The following SSBP2 variants were observed in gnomAD, a reference collection of about 807,000 sequenced individuals.
SSBP2 encodes single stranded DNA binding protein 2.
Under a neutral mutation model 61.8 loss-of-function variants are expected in SSBP2, and 17 were observed. The ratio of observed to expected loss-of-function variants is 0.28; its 90% CI spans 0.19 to 0.41. The LOEUF (loss-of-function observed/expected upper bound fraction) is 0.41, where lower values mean the gene tolerates loss of function less well. Ranked by LOEUF, SSBP2 falls within the 10% of genes least tolerant of loss-of-function variation. SSBP2 has a pLI of 1.00. For missense variants in SSBP2, 310 were observed against 458.7 expected (o/e 0.68, Z 2.96); for synonymous variants, 139 against 141.3 (o/e 0.98, Z 0.12).
intron 1 of SSBP2, among the ~76,000 whole-genome samples, chr5:81,685,835 T>C (rs991158203): frequency 6.6e-6 from 1 of 152,196 alleles, no homozygotes; most frequent in Non-Finnish European, 1.5e-5. Context: ...ATCTGCCTAA[T>C]CTAAACCTAG....
At chr5:81,462,480 G>C (rs926029365) in intron 9 of SSBP2, among the ~76,000 whole-genome samples, 1 of 152,152 alleles carries the variant, frequency 6.6e-6, no homozygotes, top group African/African-American at 2.4e-5. Context: ...TCCCAATTCA[G>C]CTTGAGGTAT....
chr5:81,681,577 C>T (rs1319734816), intron 1 of SSBP2, among the ~76,000 whole-genome samples: 13 of 149,350 alleles, frequency 8.7e-5, no homozygotes, highest in Admixed American at 4.7e-4. Flanking sequence ...GTACCAAATG[C>T]AGTGCATAGA....
intron 4 of SSBP2, among the ~76,000 whole-genome samples, chr5:81,603,029 C>T (rs1744528174): frequency 6.6e-6 from 1 of 152,128 alleles, no homozygotes; most frequent in South Asian, 2.1e-4. Flanking sequence ...ACAGCAACAC[C>T]CCACTTCCAA....
At chr5:81,531,870 G>A (rs1308868204) in intron 4 of SSBP2, among the ~76,000 whole-genome samples, 1 of 152,032 alleles carries the variant, frequency 6.6e-6, no homozygotes, top group Non-Finnish European at 1.5e-5. Flanking sequence ...CACCTCTTCT[G>A]GAACAGTAAG....
At chr5:81,501,167 C>T (rs1289283747) in intron 5 of SSBP2, among the ~76,000 whole-genome samples, 30 of 135,550 alleles carry the variant, frequency 2.2e-4, no homozygotes, top group African/African-American at 7.4e-4. Flanking sequence ...GCTGAGATCG[C>T]ACCACTGTAC....
chr5:81,591,546 A>G (rs1775502880), intron 4 of SSBP2, among the ~76,000 whole-genome samples: 1 of 152,196 alleles, frequency 6.6e-6, no homozygotes, highest in African/African-American at 2.4e-5. Flanking sequence ...GAAAAGGTGG[A>G]CCACAAGCAT....
intron 4 of SSBP2, among the ~76,000 whole-genome samples, chr5:81,560,503 A>G (rs1772961306): frequency 6.6e-6 from 1 of 152,026 alleles, no homozygotes; most frequent in Admixed American, 6.5e-5. Flanking sequence ...AGCAAGGTAC[A>G]TAGCAGAAGT....
rs981256817 is a variant in SSBP2 at position 81,416,294 on chromosome 5, A to G, written c.*4210T>C. 6.6e-6 allele frequency: 1 copy of G among 152,226 alleles called. No homozygotes were observed. The highest frequency in any genetic ancestry group is 1.5e-5 in the Non-Finnish European group (1 of 68,050). The allele number at this position is 152,226 out of a possible 1,614,324, so 9.4% of individuals were successfully genotyped here. A position where few individuals can be genotyped will look rare whatever the true frequency, so the allele number is the denominator to read the frequency against. ...AAAATGCATTCCAAAATCAAAATCA[A>G]GTGGCTATGATTTGTGGCACTCCTT... is the stretch of plus-strand genomic sequence containing the variant. On this transcript the variant is annotated 3_prime_UTR_variant, in exon 17 of 17. Transcript: ENST00000320672.
chr5:81,614,936 T>C (rs1473186256), intron 4 of SSBP2: 2 of 152,362 alleles, frequency 1.3e-5, no homozygotes, highest in Non-Finnish European at 2.9e-5. Context: ...AAAAAAAAAT[T>C]ACATTTTCAT....
intron 1 of SSBP2, among the ~76,000 whole-genome samples, chr5:81,718,173 A>G (rs2153962144): frequency 6.6e-6 from 1 of 152,300 alleles, no homozygotes; most frequent in East Asian, 1.9e-4. Flanking sequence ...GAAGCTCATA[A>G]CAACACATTA....
chr5:81,413,344 T>C lies in SSBP2; in HGVS notation c.*7160A>G, dbSNP rs1366097386. ...ACACAGATGCTAAATTTACAAAATG[T>C]GTCAGGTAGCTGGTGGCCATCGTTG... On this transcript the variant is annotated 3_prime_UTR_variant, in exon 17 of 17. Transcript: ENST00000320672. 1 of 152,168 alleles carries C rather than the reference T, an allele frequency of 6.6e-6. No homozygotes were observed. Among genetic ancestry groups the C allele is most frequent in the African/African-American group, 2.4e-5 (1 of 41,448 alleles). 9.4% of individuals were successfully genotyped at this position (152,168 alleles called of 1,614,324 possible).
intron 4 of SSBP2, among the ~76,000 whole-genome samples, chr5:81,536,276 C>G (rs1770793547): frequency 6.6e-6 from 1 of 152,100 alleles, no homozygotes; most frequent in South Asian, 2.1e-4. Context: ...CTTCAAAATG[C>G]AAAAGATACA....
chr5:81,656,448 T>C (rs1275066292), intron 1 of SSBP2, among the ~76,000 whole-genome samples: 1 of 152,172 alleles, frequency 6.6e-6, no homozygotes, highest in Non-Finnish European at 1.5e-5. Flanking sequence ...ACATAACATA[T>C]AGCCTTATGT....
intron 1 of SSBP2, among the ~76,000 whole-genome samples, chr5:81,686,854 C>CAAAAAAAAAAAA (rs57665340): frequency 1.1e-5 from 1 of 91,050 alleles, no homozygotes; most frequent in Non-Finnish European, 2.0e-5. Context: ...GACTTCATCT[C>CAAAAAAAAAAAA]AAAAAAAAAA....
intron 6 of SSBP2, among the ~76,000 whole-genome samples, chr5:81,485,203 C>G (rs76224959): frequency 0.012 from 1,882 of 152,168 alleles, 14 homozygotes; most frequent in Middle Eastern, 0.024. Context: ...ATTGTATAGT[C>G]AAATATATTT....
chr5:81,463,758 C>CTTTTTTTTTT (rs938398439), intron 9 of SSBP2, among the ~76,000 whole-genome samples: 1 of 96,310 alleles, frequency 1.0e-5, no homozygotes, highest in African/African-American at 4.2e-5. Flanking sequence ...GAAAAATCCT[C>CTTTTTTTTTT]TTTTTTTTTT....
At chr5:81,451,332 GAAAA>G (rs527447233) in intron 10 of SSBP2, among the ~76,000 whole-genome samples, 3 of 145,778 alleles carry the variant, frequency 2.1e-5, no homozygotes, top group African/African-American at 7.5e-5. Context: ...TCCCAGATAG[GAAAA>G]AAAAAAACTT....
At chr5:81,741,272 C>T (rs751404040) in intron 1 of SSBP2, among the ~76,000 whole-genome samples, 7 of 152,140 alleles carry the variant, frequency 4.6e-5, no homozygotes, top group African/African-American at 2.4e-5. Flanking sequence ...TGAGATACCT[C>T]GAATAGTCAA....
chr5:81,747,393 T>G (rs1409749070), intron 1 of SSBP2, among the ~76,000 whole-genome samples: 1 of 152,176 alleles, frequency 6.6e-6, no homozygotes, highest in Non-Finnish European at 1.5e-5. Context: ...GTTTTCATAT[T>G]TCTTTAATGG....
Sources: gnomAD v4.1 joint callset for allele counts (sites outside exome capture counted in the v4.1 genomes callset) on GRCh38, gnomAD v4.1.1 for gene constraint, MANE v1.5 for transcripts, NCBI Gene and HGNC (gene_info 2026-07-23, HGNC 2026-07-21) for gene names.